Variants in SDF2 observed in about 807,000 individuals in gnomAD.
The protein encoded by SDF2 is stromal cell derived factor 2, also known as stromal cell-derived factor 2.
A neutral mutation model predicts 20.5 loss-of-function variants in SDF2; 12 were observed. That is an observed-to-expected ratio of 0.58 (90% CI 0.37 to 0.95). The LOEUF (loss-of-function observed/expected upper bound fraction) is 0.95. Ranked by LOEUF, SDF2 falls within the 40% of genes least tolerant of loss-of-function variation. The pLI, the probability that SDF2 is intolerant of heterozygous loss-of-function variation, is 0.01. For missense variants in SDF2, 238 were observed against 263.1 expected (o/e 0.90, Z 0.66); for synonymous variants, 100 against 101.0 (o/e 0.99, Z 0.06).
chr17:28,658,470 T>C (rs1041856761), intron 1 of SDF2, among the ~76,000 whole-genome samples: 3 of 152,220 alleles, frequency 2.0e-5, no homozygotes, highest in African/African-American at 7.2e-5. Flanking sequence ...TTAACGAGCA[T>C]GCTGCCTTCA....
At chr17:28,652,274 T>C (rs764248205) in intron 2 of SDF2, among the ~76,000 whole-genome samples, 4 of 152,112 alleles carry the variant, frequency 2.6e-5, no homozygotes, top group Non-Finnish European at 4.4e-5. Flanking sequence ...ATATGTAATA[T>C]ATACACGAGT....
chr17:28,648,957 T>C lies in SDF2; in HGVS notation c.*32A>G. 1.2e-6 allele frequency: 2 copies of C among 1,604,062 alleles called. No individual in the cohort carries two copies. Among genetic ancestry groups the C allele is most frequent in the Non-Finnish European group, 1.7e-6 (2 of 1,173,030 alleles). ...GGCAGCAACAGATGTCTGTGAACATTGTGCGTTAACAGTGGCTCAGAGCCT... is the reference window on the plus strand; with the variant it reads ...GGCAGCAACAGATGTCTGTGAACATCGTGCGTTAACAGTGGCTCAGAGCCT... On this transcript the variant is annotated 3_prime_UTR_variant, in exon 3 of 3. Coordinates refer to ENST00000247020, the MANE Select transcript of SDF2 (RefSeq NM_006923.4).
At chr17:28,649,399 C>A (rs2071893253) in intron 2 of SDF2, 123 bp from the exon 3 acceptor site, 6 of 872,464 alleles carry the variant, frequency 6.9e-6, no homozygotes, top group Non-Finnish European at 1.8e-6. Flanking sequence ...AGGCTTATGC[C>A]TGTAATCCTA....
Position 28,648,808 on chromosome 17 carries a change from G to C in SDF2, c.*181C>G. On this transcript the variant is annotated 3_prime_UTR_variant, in exon 3 of 3. Transcript: ENST00000247020. ...AACTGACCCACGCAAGTCTGGGAGA[G>C]TGACTAGTTCAAATGTGCAGGGCTG... 1 of 634,880 alleles carries C rather than the reference G, an allele frequency of 1.6e-6. No individual in the cohort carries two copies. The highest frequency in any genetic ancestry group is 2.7e-5 in the East Asian group (1 of 36,536). The allele number at this position is 634,880 out of a possible 1,614,324, so 39.3% of individuals were successfully genotyped here.
At chr17:28,649,955 T>C (rs1320747213) in intron 2 of SDF2, among the ~76,000 whole-genome samples, 2 of 151,678 alleles carry the variant, frequency 1.3e-5, no homozygotes, top group Non-Finnish European at 2.9e-5. Context: ...ATTTATTTAT[T>C]TATTTATTTA....
At chr17:28,657,911 A>T (rs553098205) in intron 1 of SDF2, 1 of 152,328 alleles carries the variant, frequency 6.6e-6, no homozygotes, top group Admixed American at 6.5e-5. Context: ...GCTACTCAGG[A>T]CGCTGAGATG....
intron 1 of SDF2, 78 bp downstream of exon 1, chr17:28,661,648 T>G: frequency 6.7e-7 from 1 of 1,491,052 alleles, no homozygotes; most frequent in Non-Finnish European, 9.2e-7. Flanking sequence ...GACCACACTG[T>G]CAGATATTCT....
intron 1 of SDF2, among the ~76,000 whole-genome samples, 176 bp downstream of exon 1, chr17:28,661,550 G>T (rs1403596586): frequency 6.6e-6 from 1 of 152,200 alleles, no homozygotes; most frequent in Non-Finnish European, 1.5e-5. Flanking sequence ...AATATTAGGT[G>T]GTGTTGCGAT....
intron 1 of SDF2, among the ~76,000 whole-genome samples, chr17:28,658,636 G>A (rs1261563962): frequency 6.6e-6 from 1 of 152,130 alleles, no homozygotes; most frequent in African/African-American, 2.4e-5. Context: ...GAACAAAATG[G>A]AGTCTCCTAT....
At chr17:28,661,178 G>T in intron 1 of SDF2, 1 of 455,154 alleles carries the variant, frequency 2.2e-6, no homozygotes, top group Non-Finnish European at 4.4e-6. Context: ...GTAGAAGGGG[G>T]CCAAAGATGG....
intron 2 of SDF2, among the ~76,000 whole-genome samples, chr17:28,653,855 C>G (rs901287297): frequency 6.6e-5 from 10 of 152,048 alleles, no homozygotes; most frequent in Admixed American, 5.9e-4. Context: ...CAGAAAAAAA[C>G]TATGGTCTTT....
chr17:28,661,221 C>T (rs1358931257), intron 1 of SDF2: 1 of 451,594 alleles, frequency 2.2e-6, no homozygotes, highest in South Asian at 1.6e-5. Context: ...TGCAGAAGAG[C>T]TGGAAGACAA....
At position 28,661,856 on chromosome 17, in the gene SDF2, C is replaced by A. The variant is rs1411637590; in HGVS notation, c.21G>T (p.Leu7=). 6.2e-7 allele frequency: 1 copy of A among 1,613,712 alleles called. No homozygotes were observed. Among genetic ancestry groups the A allele is most frequent in the African/African-American group, 1.3e-5 (1 of 74,932 alleles). MAVVPL[L]LLGGLWSAVG... The stretch of plus-strand genomic sequence containing the variant: ...CAGCGCTCCACAAACCCCCCAACAA[C>A]AGCAGAGGTACTACAGCCATCCTAA... Residue 7 remains leucine, a synonymous_variant, in exon 1 of 3, where the codon CTG becomes CTT. Transcript: ENST00000247020.
intron 2 of SDF2, 40 bp downstream of exon 2, chr17:28,655,247 G>A (rs1370642934): frequency 1.3e-6 from 2 of 1,579,504 alleles, no homozygotes; most frequent in Non-Finnish European, 1.7e-6. Flanking sequence ...CACCCACTGA[G>A]TAATGCAGAG....
At chr17:28,654,047 A>C (rs1361755877) in intron 2 of SDF2, among the ~76,000 whole-genome samples, 2 of 152,202 alleles carry the variant, frequency 1.3e-5, no homozygotes, top group Non-Finnish European at 2.9e-5. Flanking sequence ...GTACTGGCTT[A>C]TGCTTGTAAT....
rs755807947 is a variant in SDF2, at chr17:28,649,287, C to T, written c.349-11G>A. 6.2e-7 allele frequency: 1 copy of T among 1,611,986 alleles called. No homozygotes were observed. Among genetic ancestry groups the T allele is most frequent in the South Asian group, 1.1e-5 (1 of 91,072 alleles). ...AAAAGCACTCACTTCCTAGAAAATA[C>T]AGAAGGTAGTAACATCAGCATGGCT... On this transcript the variant is annotated splice_polypyrimidine_tract_variant and intron_variant, in intron 2 of 2. Transcript: ENST00000247020.
Position 28,648,901 on chromosome 17 carries a change from C to T in SDF2, c.*88G>A, listed in dbSNP as rs1367292493. The T allele has an allele frequency of 2.9e-6, 4 of 1,371,928 alleles. No homozygotes were observed. The highest frequency in any genetic ancestry group is 4.1e-6 in the Non-Finnish European group (4 of 980,264). 85.0% of individuals were successfully genotyped at this position (1,371,928 alleles called of 1,614,324 possible). A position where few individuals can be genotyped will look rare whatever the true frequency, so the allele number is the denominator to read the frequency against. ...TCTCAATGGTGACATGGCCACTGCC[C>T]AAGGAACTTGTGGCAGGGATCCCAA... On this transcript the variant is annotated 3_prime_UTR_variant, in exon 3 of 3. Transcript: ENST00000247020.
chr17:28,652,575 C>T (rs1012946764), intron 2 of SDF2, among the ~76,000 whole-genome samples: 6 of 152,180 alleles, frequency 3.9e-5, no homozygotes, highest in East Asian at 3.9e-4. Flanking sequence ...CACAAAGTGC[C>T]GGGATTATAG....
Position 28,655,380 on chromosome 17 carries a change from G to A in SDF2, c.255C>T (p.Pro85=), listed in dbSNP as rs1597670522. The A allele has an allele frequency of 6.2e-7, 1 of 1,614,216 alleles. No individual in the cohort carries two copies. Among genetic ancestry groups the A allele is most frequent in the East Asian group, 2.2e-5 (1 of 44,882 alleles). The stretch of plus-strand genomic sequence containing the variant: ...GCCGGATGGGCTGGCCACACTTGAT[G>A]GGGGTTCCCCTCTCACACACTGTGG... The part of the protein sequence containing the change: ...KSATVCERGT[P]IKCGQPIRLT... Residue 85 remains proline, a synonymous_variant, in exon 2 of 3, where the codon CCC becomes CCT. Transcript: ENST00000247020.
Sources: allele counts gnomAD v4.1 joint callset (sites outside exome capture counted in the v4.1 genomes callset), GRCh38; gene constraint gnomAD v4.1.1; transcripts MANE v1.5; gene names NCBI Gene and HGNC (gene_info 2026-07-23, HGNC 2026-07-21).